The following ERI3 variants were observed in gnomAD, a reference collection of about 807,000 sequenced individuals.
ERI3 encodes the protein ERI1 exoribonuclease 3.
ERI3 carries 18 observed loss-of-function variants against 44.4 expected under a neutral mutation model. The ratio of observed to expected loss-of-function variants is 0.41; its 90% CI spans 0.28 to 0.60. The LOEUF (loss-of-function observed/expected upper bound fraction) is 0.60, where lower values mean the gene tolerates loss of function less well. Ranked by LOEUF, ERI3 falls within the 20% of genes least tolerant of loss-of-function variation. ERI3 has a pLI of 0.36. For synonymous variants in ERI3, 183 were observed against 164.8 expected, an observed-to-expected ratio of 1.11 and a Z score of -0.84; for missense variants, 294 against 435.5, an observed-to-expected ratio of 0.68 and a Z score of 2.89.
rs966499114 is a variant in ERI3 at position 44,352,941 on chromosome 1, C to A, written c.136-16G>T. The A allele has an allele frequency of 6.2e-7, 1 of 1,613,998 alleles. No individual in the cohort carries two copies. The highest frequency in any genetic ancestry group is 8.5e-7 in the Non-Finnish European group (1 of 1,179,944). On this transcript the variant is annotated splice_polypyrimidine_tract_variant and intron_variant, in intron 1 of 8. Coordinates refer to ENST00000372257, the MANE Select transcript of ERI3 (RefSeq NM_024066.3). ...AGCCCCAATGCTGTGGATAAATACA[C>A]ATCTCTGCAACAAGTCTATTTCAAT...
intron 7 of ERI3, among the ~76,000 whole-genome samples, chr1:44,261,891 G>A (rs1026551127): frequency 4.6e-5 from 7 of 152,326 alleles, no homozygotes; most frequent in Middle Eastern, 3.4e-3. Flanking sequence ...GCAAAAGCAT[G>A]CCTAAAGCTT....
chr1:44,249,953 GT>G (rs1033770099), intron 7 of ERI3, among the ~76,000 whole-genome samples: 40 of 152,104 alleles, frequency 2.6e-4, no homozygotes, highest in Admixed American at 2.1e-3. Context: ...AGCTGGATGG[GT>G]TTTTTTCCCC....
At chr1:44,341,934 G>T (rs940662975) in intron 2 of ERI3, among the ~76,000 whole-genome samples, 4 of 152,036 alleles carry the variant, frequency 2.6e-5, no homozygotes, top group African/African-American at 9.7e-5. Context: ...TTCTCTCGTA[G>T]GAAGTCTTGA....
rs550536347 is a variant in ERI3, at chr1:44,320,123, G to C, written c.490-379C>G. On this transcript the variant is annotated intron_variant, in intron 3 of 8. Coordinates refer to ENST00000372257, the MANE Select transcript of ERI3 (RefSeq NM_024066.3). Reference sequence around the variant, plus strand: ...CAGGTCCCTGTCCTGAAATGGGTCTGATCTCCTGCCATATAGACAACCAGC... The same window carrying C: ...CAGGTCCCTGTCCTGAAATGGGTCTCATCTCCTGCCATATAGACAACCAGC... 2.6e-5 allele frequency among the ~76,000 whole-genome samples: 4 copies of C among 152,272 alleles called. No individual in the cohort carries two copies. In the South Asian group the frequency reaches 8.3e-4, roughly 32 times the overall value.
intron 7 of ERI3, among the ~76,000 whole-genome samples, chr1:44,250,387 G>A (rs895212410): frequency 2.0e-5 from 3 of 152,288 alleles, no homozygotes; most frequent in African/African-American, 7.2e-5. Context: ...GCCCCACCGC[G>A]TCACCGTGAT....
chr1:44,252,317 G>A lies in ERI3; in HGVS notation c.832-4279C>T, dbSNP rs779781550. 7.9e-5 allele frequency among the ~76,000 whole-genome samples: 12 copies of A among 152,226 alleles called. No individual in the cohort carries two copies. Among genetic ancestry groups the A allele is most frequent in the African/African-American group, 2.7e-4 (11 of 41,474 alleles). ...GCAATTTCCATGCACAGGGAAGCAG[G>A]TGCCGAGCTGCTCCCGGCTGGCTCT... On this transcript the variant is annotated intron_variant, in intron 7 of 8. Transcript: ENST00000372257. The surrounding 1 kb of genome is among the most constrained non-coding windows in gnomAD (Gnocchi z 4.7).
chr1:44,333,050 A>G (rs1317122371), intron 3 of ERI3, among the ~76,000 whole-genome samples: 1 of 152,246 alleles, frequency 6.6e-6, no homozygotes, highest in Non-Finnish European at 1.5e-5. Flanking sequence ...AGGAGTCGGG[A>G]GCCTGTACAA....
intron 7 of ERI3, among the ~76,000 whole-genome samples, chr1:44,250,286 CG>C (rs985607284): frequency 2.6e-5 from 4 of 152,354 alleles, no homozygotes; most frequent in African/African-American, 9.6e-5. Flanking sequence ...GCTTATGGCT[CG>C]GGGACAGGGC....
intron 7 of ERI3, among the ~76,000 whole-genome samples, chr1:44,278,214 G>A (rs1353459854): frequency 3.3e-5 from 5 of 152,108 alleles, no homozygotes; most frequent in African/African-American, 1.2e-4. Context: ...GCAGTGGCTC[G>A]CACCTGTAAT....
chr1:44,347,060 C>T (rs1227293681), intron 2 of ERI3, among the ~76,000 whole-genome samples: 2 of 152,110 alleles, frequency 1.3e-5, no homozygotes, highest in Admixed American at 6.5e-5. Context: ...AAACTAAGGG[C>T]TCGGAGGTGC....
chr1:44,277,998 G>A (rs1290707303), intron 7 of ERI3, among the ~76,000 whole-genome samples: 3 of 152,092 alleles, frequency 2.0e-5, no homozygotes, highest in Admixed American at 2.0e-4. Context: ...GCACTAAAAA[G>A]TAAAATGAAA....
chr1:44,328,198 C>T (rs906078374), intron 3 of ERI3, among the ~76,000 whole-genome samples: 10 of 151,882 alleles, frequency 6.6e-5, no homozygotes, highest in Non-Finnish European at 1.2e-4. Flanking sequence ...GACTAGTAAG[C>T]AAGCAATACA....
At chr1:44,278,009 C>T (rs1334063706) in intron 7 of ERI3, among the ~76,000 whole-genome samples, 1 of 152,108 alleles carries the variant, frequency 6.6e-6, no homozygotes, top group Non-Finnish European at 1.5e-5. Context: ...TAAAATGAAA[C>T]AGACAAAATT....
chr1:44,347,038 T>C (rs1488724390), intron 2 of ERI3, among the ~76,000 whole-genome samples: 1 of 152,142 alleles, frequency 6.6e-6, no homozygotes, highest in African/African-American at 2.4e-5. Context: ...TATTCGCATA[T>C]CACACATGAG....
intron 3 of ERI3, among the ~76,000 whole-genome samples, chr1:44,324,286 C>CA (rs1646261487): frequency 6.6e-6 from 1 of 152,120 alleles, no homozygotes; most frequent in Admixed American, 6.6e-5. Flanking sequence ...CCTAAGATGT[C>CA]AAAGATGGTC....
chr1:44,224,821 G>A (rs1643996222), intron 8 of ERI3, among the ~76,000 whole-genome samples: 2 of 152,308 alleles, frequency 1.3e-5, no homozygotes, highest in South Asian at 4.1e-4. Context: ...CTACAATAAA[G>A]AGAGACCAGG....
intron 3 of ERI3, among the ~76,000 whole-genome samples, chr1:44,329,149 G>C (rs1450771074): frequency 6.6e-6 from 1 of 152,130 alleles, no homozygotes; most frequent in Non-Finnish European, 1.5e-5. Context: ...AGCAGGACTG[G>C]GTACCTCTCC....
At chr1:44,338,924 T>A (rs1370837461) in intron 3 of ERI3, 121 bp downstream of exon 3, 1 of 1,240,644 alleles carries the variant, frequency 8.1e-7, no homozygotes, top group East Asian at 2.3e-5. Context: ...ACAGGAACTC[T>A]AAATGAGTAG....
At chr1:44,222,336 C>T (rs959113200) in intron 8 of ERI3, among the ~76,000 whole-genome samples, 3 of 152,256 alleles carry the variant, frequency 2.0e-5, no homozygotes, top group African/African-American at 7.2e-5. Flanking sequence ...TGGCCATCAG[C>T]CGTCTACCAA....
Sources: gnomAD v4.1 joint callset for allele counts (sites outside exome capture counted in the v4.1 genomes callset) on GRCh38, gnomAD v4.1.1 for gene constraint, Gnocchi (gnomAD v3.1) non-coding constraint, MANE v1.5 for transcripts, NCBI Gene and HGNC (gene_info 2026-07-23, HGNC 2026-07-21) for gene names.